MAP7: variants seen among roughly 807,000 people sequenced by gnomAD.
MAP7 encodes the protein ensconsin.
Under a neutral mutation model 94.8 loss-of-function variants are expected in MAP7, and 52 were observed. That is an observed-to-expected ratio of 0.55 (90% CI 0.44 to 0.69). MAP7 has a LOEUF of 0.69. Ranked by LOEUF, MAP7 falls within the 30% of genes least tolerant of loss-of-function variation. The pLI, the probability that MAP7 is intolerant of heterozygous loss-of-function variation, is 0.00. For missense variants in MAP7, 940 were observed against 964.6 expected (o/e 0.97, Z 0.34); for synonymous variants, 350 against 357.0 (o/e 0.98, Z 0.22).
intron 3 of MAP7, among the ~76,000 whole-genome samples, chr6:136,390,813 C>T (rs886398609): frequency 2.0e-5 from 3 of 152,154 alleles, no homozygotes; most frequent in Non-Finnish European, 4.4e-5. Flanking sequence ...GTGATCGGAA[C>T]TGACTTTATT....
chr6:136,367,721 A>G (rs760699468), intron 8 of MAP7, among the ~76,000 whole-genome samples: 7 of 152,146 alleles, frequency 4.6e-5, no homozygotes, highest in Non-Finnish European at 1.0e-4. Flanking sequence ...CTCCCATTTT[A>G]GGTCCCCAAA....
intron 7 of MAP7, among the ~76,000 whole-genome samples, chr6:136,376,563 T>C (rs544791251): frequency 5.3e-5 from 8 of 152,326 alleles, no homozygotes; most frequent in Admixed American, 4.6e-4. Context: ...GAGTGTGACT[T>C]TACAGAGAAC....
intron 1 of MAP7, among the ~76,000 whole-genome samples, chr6:136,454,125 A>G (rs757889676): frequency 2.0e-5 from 3 of 152,186 alleles, no homozygotes; most frequent in Non-Finnish European, 4.4e-5. Context: ...CTCCAAAAAC[A>G]GATATTTAAT....
intron 2 of MAP7, chr6:136,420,349 G>A (rs1790911175): frequency 7.7e-6 from 5 of 646,782 alleles, no homozygotes; most frequent in Admixed American, 2.3e-5. Flanking sequence ...TGCCCAGCCC[G>A]GCCGCGAAGT....
At chr6:136,447,933 T>C (rs1342614433) in intron 1 of MAP7, among the ~76,000 whole-genome samples, 2 of 152,218 alleles carry the variant, frequency 1.3e-5, no homozygotes, top group African/African-American at 2.4e-5. Context: ...GGCTCACGCC[T>C]GTAATCCCAG....
rs12530004 is a variant in MAP7, at chr6:136,346,959, G to A, written c.2016-880C>T. 9.0e-3 allele frequency among the ~76,000 whole-genome samples: 1,367 copies of A among 152,236 alleles called. 60 individuals are homozygous for A. In the East Asian group the frequency reaches 0.14, roughly 15 times the overall value. ...TTTCATATGTAAATTTTTGAAGACCGATCTTCTTATCTTTGCCCCTTAAAT... is the reference window on the plus strand; with the variant it reads ...TTTCATATGTAAATTTTTGAAGACCAATCTTCTTATCTTTGCCCCTTAAAT... On this transcript the variant is annotated intron_variant, in intron 16 of 17. Transcript: ENST00000354570.
intron 1 of MAP7, among the ~76,000 whole-genome samples, chr6:136,430,858 C>A (rs1352287645): frequency 6.6e-6 from 1 of 152,112 alleles, no homozygotes; most frequent in Non-Finnish European, 1.5e-5. Flanking sequence ...GCTTACAGCA[C>A]AATTGAGCAG....
At position 136,431,414 on chromosome 6, in the gene MAP7, T is replaced by A. The variant is rs75998890; in HGVS notation, c.68-9615A>T. 2.7e-3 allele frequency among the ~76,000 whole-genome samples: 413 copies of A among 152,334 alleles called. 5 individuals carry two copies. The East Asian group carries it at 0.029, about 11-fold the overall frequency. On this transcript the variant is annotated intron_variant, in intron 1 of 17. Coordinates refer to ENST00000354570, the MANE Select transcript of MAP7 (RefSeq NM_003980.6). ...GTAACATTTCTCTCTTGGAAATGCA[T>A]ACTACAAGTTTGCATAGGGAAGGGG...
At chr6:136,533,220 C>A (rs113632087) in intron 1 of MAP7, among the ~76,000 whole-genome samples, 1 of 152,240 alleles carries the variant, frequency 6.6e-6, no homozygotes, top group Non-Finnish European at 1.5e-5. Context: ...TGCAGTCAGC[C>A]GAGATTGGGC....
chr6:136,514,571 ACT>A (rs1824209781), intron 1 of MAP7, among the ~76,000 whole-genome samples: 2 of 128,152 alleles, frequency 1.6e-5, no homozygotes, highest in African/African-American at 3.0e-5. Context: ...ACAGAGCAAG[ACT>A]CTGTCTCAAA....
chr6:136,352,890 C>T (rs562678064), intron 16 of MAP7, among the ~76,000 whole-genome samples: 31 of 152,188 alleles, frequency 2.0e-4, no homozygotes, highest in Non-Finnish European at 4.0e-4. Context: ...TTTTCTTGTA[C>T]TTGTTGCTAT....
At chr6:136,526,978 T>C (rs55752374) in intron 1 of MAP7, among the ~76,000 whole-genome samples, 5,222 of 152,016 alleles carry the variant, frequency 0.034, 299 homozygotes, top group African/African-American at 0.12. Flanking sequence ...CCACCAGAGA[T>C]CACAACGTGG....
At chr6:136,398,331 G>C (rs1372760821) in intron 3 of MAP7, among the ~76,000 whole-genome samples, 1 of 152,196 alleles carries the variant, frequency 6.6e-6, no homozygotes, top group African/African-American at 2.4e-5. Flanking sequence ...CTGCTTTGTG[G>C]CTCACAGTAA....
At chr6:136,505,027 G>C (rs1254238833) in intron 1 of MAP7, among the ~76,000 whole-genome samples, 1 of 151,904 alleles carries the variant, frequency 6.6e-6, no homozygotes, top group African/African-American at 2.4e-5. Flanking sequence ...GGGTCCATGA[G>C]TATTTATTAT....
At chr6:136,356,885 C>G (rs1393297764) in intron 15 of MAP7, 91 bp from the exon 16 acceptor site, 1 of 974,968 alleles carries the variant, frequency 1.0e-6, no homozygotes, top group Non-Finnish European at 1.6e-6. Context: ...GATTTATGTG[C>G]TGGTTCTGCT....
intron 2 of MAP7, among the ~76,000 whole-genome samples, chr6:136,412,919 G>T (rs1228131752): frequency 6.6e-6 from 1 of 152,200 alleles, no homozygotes; most frequent in Non-Finnish European, 1.5e-5. Flanking sequence ...CTAGCACTTT[G>T]GGAGGCCGAG....
intron 1 of MAP7, chr6:136,526,198 C>T (rs1583146378): frequency 8.1e-7 from 1 of 1,239,492 alleles, no homozygotes; most frequent in East Asian, 4.0e-5. Context: ...ACCTCCCCTA[C>T]CAGCCCCCTC....
intron 10 of MAP7, chr6:136,364,308 A>G: frequency 2.0e-6 from 1 of 504,824 alleles, no homozygotes. Context: ...TGACATGGGG[A>G]GCCTCATCTG....
At chr6:136,364,996 AC>A (rs1454374157) in intron 10 of MAP7, 1 of 152,298 alleles carries the variant, frequency 6.6e-6, no homozygotes, top group Non-Finnish European at 1.5e-5. Flanking sequence ...GATAATGAAT[AC>A]AACAGGTGAT....
Sources: gnomAD v4.1 joint callset for allele counts (sites outside exome capture counted in the v4.1 genomes callset) on GRCh38, gnomAD v4.1.1 for gene constraint, MANE v1.5 for transcripts, NCBI Gene and HGNC (gene_info 2026-07-23, HGNC 2026-07-21) for gene names.